PGM5: variants seen among roughly 807,000 people sequenced by gnomAD.
The protein encoded by PGM5 is phosphoglucomutase 5, also known as phosphoglucomutase-like protein 5.
Under a neutral mutation model 59.2 loss-of-function variants are expected in PGM5, and 23 were observed. The ratio of observed to expected loss-of-function variants is 0.39; its 90% confidence interval spans 0.28 to 0.55. PGM5 has a LOEUF of 0.55. PGM5 is among the 20% of genes least tolerant of loss of function. The pLI is 0.66. For missense variants in PGM5, 574 were observed against 748.3 expected, an observed-to-expected ratio of 0.77 and a Z score of 2.72; for synonymous variants, 214 against 286.0, an observed-to-expected ratio of 0.75 and a Z score of 2.54.
At chr9:68,518,269 C>T (rs1226412101) in intron 10 of PGM5, among the ~76,000 whole-genome samples, 1 of 152,182 alleles carries the variant, frequency 6.6e-6, no homozygotes, top group Non-Finnish European at 1.5e-5. Flanking sequence ...GATCTTCTGG[C>T]TCCCTGAGGA....
In PGM5 at chr9:68,376,836, T is replaced by TC. The variant is rs1329475428; in HGVS notation, c.262-1363_262-1362insC. Among the ~76,000 whole-genome samples the TC allele has an allele frequency of 2.4e-4, 13 of 55,120 alleles. No individual in the cohort carries two copies. In the Admixed American group the frequency reaches 2.6e-3, roughly 11 times the overall value. 36.2% of individuals were successfully genotyped at this position (55,120 alleles called of 152,430 possible). A position where few individuals can be genotyped will look rare whatever the true frequency, so the allele number is the denominator to read the frequency against. ...TTCTTTCTTTCTTTCTTTCTTTCTCTTTCTTTCTTTCTTTCTCTTTCTTTC... is the reference window on the plus strand; with the variant it reads ...TTCTTTCTTTCTTTCTTTCTTTCTCTCTTCTTTCTTTCTTTCTCTTTCTTTC... On this transcript the variant is annotated intron_variant, in intron 1 of 10. Transcript: ENST00000396396.
intron 6 of PGM5, among the ~76,000 whole-genome samples, chr9:68,425,251 C>G (rs1366656627): frequency 6.6e-6 from 1 of 152,182 alleles, no homozygotes; most frequent in Non-Finnish European, 1.5e-5. Flanking sequence ...GGAGAGGCAA[C>G]TCACTTGATG....
At chr9:68,380,624 A>T (rs1212269076) in intron 2 of PGM5, among the ~76,000 whole-genome samples, 1 of 151,846 alleles carries the variant, frequency 6.6e-6, no homozygotes. Flanking sequence ...TGTAGTATAG[A>T]AAAACTATAG....
intron 6 of PGM5, among the ~76,000 whole-genome samples, chr9:68,425,882 T>G (rs1823228395): frequency 6.6e-6 from 1 of 152,190 alleles, no homozygotes; most frequent in Admixed American, 6.5e-5. Flanking sequence ...GAAATAAATT[T>G]GTATCGAAAG....
At chr9:68,446,633 G>A (rs1554684014) in intron 6 of PGM5, among the ~76,000 whole-genome samples, 1 of 152,212 alleles carries the variant, frequency 6.6e-6, no homozygotes, top group African/African-American at 2.4e-5. Flanking sequence ...ATTTATGAAG[G>A]ATGAAGTCTA....
chr9:68,375,342 C>G (rs1269885472), intron 1 of PGM5, among the ~76,000 whole-genome samples: 3 of 152,232 alleles, frequency 2.0e-5, no homozygotes, highest in African/African-American at 7.2e-5. Context: ...AGGCTATTTA[C>G]CACAGCCCCT....
intron 9 of PGM5, among the ~76,000 whole-genome samples, chr9:68,484,583 AAAAC>A (rs1293139508): frequency 4.8e-5 from 7 of 144,748 alleles, no homozygotes; most frequent in Non-Finnish European, 8.9e-5. Context: ...CACACAAAAC[AAAAC>A]AAACAAAAAA....
chr9:68,501,584 T>C (rs1217891608), intron 10 of PGM5, among the ~76,000 whole-genome samples: 2 of 152,228 alleles, frequency 1.3e-5, no homozygotes, highest in Non-Finnish European at 2.9e-5. Context: ...GCTAGTGTTA[T>C]TCCTGATCAG....
intron 10 of PGM5, 26 bp from the exon 11 acceptor site, chr9:68,529,541 C>A: frequency 1.3e-6 from 2 of 1,529,618 alleles, no homozygotes; most frequent in South Asian, 2.3e-5. Context: ...TTGAGTTGTT[C>A]ACAGACTTTC....
At chr9:68,383,852 G>A (rs1429069877) in intron 2 of PGM5, among the ~76,000 whole-genome samples, 4 of 151,640 alleles carry the variant, frequency 2.6e-5, no homozygotes, top group Admixed American at 6.6e-5. Context: ...CCGAGGAAAT[G>A]CATCACATAT....
intron 6 of PGM5, among the ~76,000 whole-genome samples, chr9:68,452,356 C>T (rs1482515933): frequency 2.0e-5 from 3 of 152,180 alleles, no homozygotes; most frequent in Non-Finnish European, 2.9e-5. Context: ...CGGAATGGAA[C>T]CACGCAGACC....
chr9:68,380,939 TA>T (rs1822056657), intron 2 of PGM5, among the ~76,000 whole-genome samples: 1 of 151,990 alleles, frequency 6.6e-6, no homozygotes, highest in East Asian at 1.9e-4. Context: ...AAGAAGTGAT[TA>T]AAAACTTTCC....
intron 6 of PGM5, among the ~76,000 whole-genome samples, chr9:68,403,503 G>A (rs1356608060): frequency 5.3e-5 from 8 of 152,166 alleles, no homozygotes; most frequent in Non-Finnish European, 1.2e-4. Flanking sequence ...TGCCAAAAAG[G>A]TTGGGGACCA....
chr9:68,473,893 T>A (rs1367673326), intron 7 of PGM5, among the ~76,000 whole-genome samples: 8 of 151,990 alleles, frequency 5.3e-5, no homozygotes, highest in Non-Finnish European at 1.0e-4. Flanking sequence ...AACCCCCCCA[T>A]GTGAGCAAGG....
chr9:68,529,164 C>CGTGTGTGTGTGTGTGTGTGTGT (rs3223716), intron 10 of PGM5, among the ~76,000 whole-genome samples: 2 of 131,860 alleles, frequency 1.5e-5, no homozygotes, highest in African/African-American at 2.9e-5. Flanking sequence ...CTTTTATTCT[C>CGTGTGTGTGTGTGTGTGTGTGT]GTGTGTGTGT....
intron 6 of PGM5, among the ~76,000 whole-genome samples, chr9:68,407,547 T>C (rs1376750043): frequency 4.6e-5 from 7 of 152,096 alleles, no homozygotes; most frequent in African/African-American, 1.7e-4. Context: ...AGAAGTCCCA[T>C]CTCTTTAGAA....
At chr9:68,438,167 T>TAA (rs1823468969) in intron 6 of PGM5, among the ~76,000 whole-genome samples, 1 of 151,364 alleles carries the variant, frequency 6.6e-6, no homozygotes, top group Non-Finnish European at 1.5e-5. Flanking sequence ...CACACACCTG[T>TAA]AGTCCCAGCT....
chr9:68,418,617 C>T (rs1823075051), intron 6 of PGM5, among the ~76,000 whole-genome samples: 1 of 151,956 alleles, frequency 6.6e-6, no homozygotes, highest in Non-Finnish European at 1.5e-5. Flanking sequence ...TGTTTCTCAC[C>T]TTGCTGCGGC....
intron 6 of PGM5, among the ~76,000 whole-genome samples, chr9:68,423,655 G>GTCTCTCTCTCTCTCTCTCTCTC (rs111849049): frequency 6.9e-6 from 1 of 145,822 alleles, no homozygotes; most frequent in African/African-American, 2.6e-5. Flanking sequence ...CTCTCTCTCT[G>GTCTCTCTCTCTCTCTCTCTCTC]TCTCTCTCTC....
Sources: allele counts gnomAD v4.1 joint callset (sites outside exome capture counted in the v4.1 genomes callset), GRCh38; gene constraint gnomAD v4.1.1; transcripts MANE v1.5; gene names NCBI Gene and HGNC (gene_info 2026-07-23, HGNC 2026-07-21).